Variants in HS6ST3 observed in about 807,000 individuals in gnomAD.
HS6ST3 encodes the protein heparan sulfate 6-O-sulfotransferase 3.
HS6ST3 carries 12 observed loss-of-function variants against 36.7 expected under a neutral mutation model. The ratio of observed to expected loss-of-function variants is 0.33; its 90% CI spans 0.21 to 0.53. The LOEUF (loss-of-function observed/expected upper bound fraction) is 0.53. HS6ST3 is among the 20% of genes least tolerant of loss of function. The pLI is 0.95. For synonymous variants in HS6ST3, 240 were observed against 257.5 expected, an observed-to-expected ratio of 0.93 and a Z score of 0.65; for missense variants, 584 against 640.9, an observed-to-expected ratio of 0.91 and a Z score of 0.96.
chr13:96,204,549 T>C lies in HS6ST3; in HGVS notation c.707+112980T>C, dbSNP rs1427827845. 2.0e-5 allele frequency among the ~76,000 whole-genome samples: 3 copies of C among 152,190 alleles called. No homozygotes were observed. In the East Asian group the frequency reaches 5.8e-4, roughly 29 times the overall value. ...CCAAAAACAACAGAATATACATTCT[T>C]CTCATTGCCACATGACATTTACTCT... On this transcript the variant is annotated intron_variant, in intron 1 of 1. Transcript: ENST00000376705.
chr13:96,799,991 T>TAC (rs1878021174), intron 1 of HS6ST3, among the ~76,000 whole-genome samples: 4 of 122,470 alleles, frequency 3.3e-5, no homozygotes, highest in Non-Finnish European at 6.3e-5. Context: ...TGTATATATA[T>TAC]ATATATGTAT....
chr13:96,765,588 T>TCTCTCTCTCTCTCTCTCTC (rs1877089470), intron 1 of HS6ST3, among the ~76,000 whole-genome samples: 8 of 142,596 alleles, frequency 5.6e-5, no homozygotes, highest in Non-Finnish European at 4.6e-5. Flanking sequence ...CTCTCTCTCT[T>TCTCTCTCTCTCTCTCTCTC]TCTCTCTCTC....
At chr13:96,134,216 T>C (rs369433432) in intron 1 of HS6ST3, among the ~76,000 whole-genome samples, 5 of 152,158 alleles carry the variant, frequency 3.3e-5, no homozygotes, top group Admixed American at 2.0e-4. Flanking sequence ...CTTTATCTTA[T>C]GAATTTTAGA....
chr13:96,241,009 C>T (rs1027122876), intron 1 of HS6ST3, among the ~76,000 whole-genome samples: 3 of 152,154 alleles, frequency 2.0e-5, no homozygotes, highest in African/African-American at 7.2e-5. Context: ...ATATGAAGGG[C>T]GGACCTGCAG....
At chr13:96,242,891 A>G (rs555265464) in intron 1 of HS6ST3, among the ~76,000 whole-genome samples, 1 of 152,336 alleles carries the variant, frequency 6.6e-6, no homozygotes, top group South Asian at 2.1e-4. Flanking sequence ...TCCCATATTC[A>G]TTGCAGTATT....
At chr13:96,162,557 G>A (rs186980815) in intron 1 of HS6ST3, among the ~76,000 whole-genome samples, 1 of 152,250 alleles carries the variant, frequency 6.6e-6, no homozygotes, top group East Asian at 1.9e-4. Context: ...AGGGAGGTAG[G>A]GAAGAGAAAA....
At chr13:96,741,520 C>G (rs1355663406) in intron 1 of HS6ST3, among the ~76,000 whole-genome samples, 1 of 152,110 alleles carries the variant, frequency 6.6e-6, no homozygotes, top group Non-Finnish European at 1.5e-5. Flanking sequence ...CTACCTACTC[C>G]AATGTGGCAA....
chr13:96,695,622 A>G (rs1456515200), intron 1 of HS6ST3, among the ~76,000 whole-genome samples: 1 of 114,482 alleles, frequency 8.7e-6, no homozygotes, highest in Non-Finnish European at 1.8e-5. Flanking sequence ...TTTCTTTTAC[A>G]GATGGAGTCT....
At chr13:96,096,207 G>C (rs896735058) in intron 1 of HS6ST3, among the ~76,000 whole-genome samples, 1 of 152,158 alleles carries the variant, frequency 6.6e-6, no homozygotes, top group Non-Finnish European at 1.5e-5. Context: ...AAAGGAATGA[G>C]ATATGGAAGG....
At chr13:96,207,199 A>T (rs1331821332) in intron 1 of HS6ST3, among the ~76,000 whole-genome samples, 1 of 152,196 alleles carries the variant, frequency 6.6e-6, no homozygotes, top group Admixed American at 6.5e-5. Context: ...ACAAATACGA[A>T]AAAAAGCTCC....
intron 1 of HS6ST3, among the ~76,000 whole-genome samples, chr13:96,098,288 T>C (rs1015674385): frequency 1.3e-5 from 2 of 152,192 alleles, no homozygotes; most frequent in Admixed American, 1.3e-4. Flanking sequence ...GATGGAAGGA[T>C]GAGAGAGCTA....
intron 1 of HS6ST3, among the ~76,000 whole-genome samples, chr13:96,752,696 T>C (rs765892620): frequency 6.6e-6 from 1 of 152,202 alleles, no homozygotes; most frequent in South Asian, 2.1e-4. Flanking sequence ...ACATTCTAGA[T>C]ACCTTGTCAG....
intron 1 of HS6ST3, among the ~76,000 whole-genome samples, chr13:96,500,444 C>T (rs1215015066): frequency 6.6e-6 from 1 of 152,016 alleles, no homozygotes; most frequent in Non-Finnish European, 1.5e-5. Flanking sequence ...GGGTATATAC[C>T]TGTGAGCAGA....
chr13:96,523,743 A>G (rs541500217), intron 1 of HS6ST3, among the ~76,000 whole-genome samples: 1 of 152,238 alleles, frequency 6.6e-6, no homozygotes, highest in South Asian at 2.1e-4. Flanking sequence ...TCGTTATTCT[A>G]GATAGCCATT....
intron 1 of HS6ST3, among the ~76,000 whole-genome samples, chr13:96,574,821 C>T (rs2056314977): frequency 6.6e-6 from 1 of 152,144 alleles, no homozygotes; most frequent in Non-Finnish European, 1.5e-5. Context: ...GGTTTGGCCA[C>T]ACTCTGAAGC....
At chr13:96,314,650 T>G (rs957740959) in intron 1 of HS6ST3, among the ~76,000 whole-genome samples, 43 of 152,180 alleles carry the variant, frequency 2.8e-4, no homozygotes, top group African/African-American at 1.0e-3. Context: ...TGGATGAATT[T>G]CAAAAACATA....
intron 1 of HS6ST3, among the ~76,000 whole-genome samples, chr13:96,432,126 C>T (rs2055618721): frequency 6.6e-6 from 1 of 152,126 alleles, no homozygotes. Context: ...TTTTCCTTTA[C>T]TTTTGGAACT....
chr13:96,614,083 G>T (rs1037126536), intron 1 of HS6ST3, among the ~76,000 whole-genome samples: 1 of 151,862 alleles, frequency 6.6e-6, no homozygotes. Context: ...CGAATGAGGA[G>T]GTCAGGAGAT....
intron 1 of HS6ST3, among the ~76,000 whole-genome samples, chr13:96,500,779 A>G (rs970864872): frequency 7.9e-5 from 12 of 152,374 alleles, no homozygotes; most frequent in African/African-American, 2.9e-4. Flanking sequence ...GATTTTATTC[A>G]TAGATGTAAC....
Sources: gnomAD v4.1 joint callset for allele counts (sites outside exome capture counted in the v4.1 genomes callset) on GRCh38, gnomAD v4.1.1 for gene constraint, MANE v1.5 for transcripts, NCBI Gene and HGNC (gene_info 2026-07-23, HGNC 2026-07-21) for gene names.